MYO3B: variants seen among roughly 807,000 people sequenced by gnomAD.
The protein encoded by MYO3B is myosin-IIIb.
Under a neutral mutation model 174.6 loss-of-function variants are expected in MYO3B, and 156 were observed. The ratio of observed to expected loss-of-function variants is 0.89; its 90% CI spans 0.78 to 1.02. MYO3B has a LOEUF of 1.02. Among genes scored for constraint, MYO3B ranks in the 50% least tolerant of loss-of-function variants. The pLI, the probability that MYO3B is intolerant of heterozygous loss-of-function variation, is 0.00. For missense variants in MYO3B, 1,632 were observed against 1,639.4 expected, an observed-to-expected ratio of 1.00 and a Z score of 0.08; for synonymous variants, 563 against 569.1, an observed-to-expected ratio of 0.99 and a Z score of 0.15.
chr2:170,507,678 C>A (rs541739596), intron 28 of MYO3B, among the ~76,000 whole-genome samples: 4 of 152,174 alleles, frequency 2.6e-5, no homozygotes, highest in Admixed American at 2.6e-4. Context: ...CAGGCGTGAG[C>A]TACTGTGCCT....
chr2:170,586,922 A>AT (rs1203804208), intron 32 of MYO3B, among the ~76,000 whole-genome samples: 1 of 152,248 alleles, frequency 6.6e-6, no homozygotes, highest in Non-Finnish European at 1.5e-5. Context: ...TTATCCAAAT[A>AT]TTTAAGAGTT....
At chr2:170,600,765 C>T (rs1694459641) in intron 32 of MYO3B, among the ~76,000 whole-genome samples, 1 of 152,180 alleles carries the variant, frequency 6.6e-6, no homozygotes, top group Non-Finnish European at 1.5e-5. Context: ...TGCAAAATAT[C>T]ACTGCCATTA....
chr2:170,247,884 A>G (rs1425405131), intron 7 of MYO3B, among the ~76,000 whole-genome samples: 1 of 152,228 alleles, frequency 6.6e-6, no homozygotes. Context: ...TTGAGGGGAC[A>G]TAAACATTCA....
At chr2:170,333,370 A>T (rs893948061) in intron 7 of MYO3B, among the ~76,000 whole-genome samples, 20 of 152,296 alleles carry the variant, frequency 1.3e-4, no homozygotes, top group African/African-American at 4.8e-4. Context: ...ATAAAGAGGC[A>T]GCCTCCTCCT....
At position 170,271,028 on chromosome 2, in the gene MYO3B, G is replaced by A. The variant is rs951474908; in HGVS notation, c.749+34892G>A. 1.8e-4 allele frequency among the ~76,000 whole-genome samples: 27 copies of A among 152,174 alleles called. 1 individual carries two copies. The highest frequency in any genetic ancestry group is 1.5e-3 in the Admixed American group (23 of 15,268). ...TAAGTTAATTCTCAGACCTTGAAAGGCAGTTATATTTATTTGCCAGATATA... is the reference window on the plus strand; with the variant it reads ...TAAGTTAATTCTCAGACCTTGAAAGACAGTTATATTTATTTGCCAGATATA... On this transcript the variant is annotated intron_variant, in intron 7 of 34. Coordinates refer to ENST00000408978, the MANE Select transcript of MYO3B (RefSeq NM_138995.5).
intron 28 of MYO3B, among the ~76,000 whole-genome samples, chr2:170,514,219 G>T (rs868588954): frequency 4.6e-5 from 7 of 152,200 alleles, no homozygotes; most frequent in Admixed American, 6.5e-5. Context: ...ATCTTCAGCC[G>T]CTCGTGACCT....
At chr2:170,561,370 A>G (rs1053664233) in intron 32 of MYO3B, among the ~76,000 whole-genome samples, 1 of 152,232 alleles carries the variant, frequency 6.6e-6, no homozygotes, top group African/African-American at 2.4e-5. Context: ...CTGTACCCAG[A>G]GGATTCTAAA....
intron 32 of MYO3B, among the ~76,000 whole-genome samples, chr2:170,569,500 T>A (rs1559124150): frequency 6.6e-6 from 1 of 151,290 alleles, no homozygotes; most frequent in Non-Finnish European, 1.5e-5. Flanking sequence ...AGAGACAGAA[T>A]CTATAAAACT....
intron 29 of MYO3B, among the ~76,000 whole-genome samples, chr2:170,518,288 T>C (rs1036759557): frequency 2.0e-5 from 3 of 152,248 alleles, no homozygotes; most frequent in Non-Finnish European, 4.4e-5. Context: ...AATCATAATG[T>C]CAACCATTTA....
intron 9 of MYO3B, 82 bp from the exon 10 acceptor site, chr2:170,381,934 T>C (rs1254514667): frequency 1.8e-6 from 2 of 1,132,142 alleles, no homozygotes; most frequent in Non-Finnish European, 2.7e-6. Context: ...GTGATAAGAT[T>C]GTGAATGAGC....
chr2:170,626,528 G>A (rs1432316442), intron 32 of MYO3B, among the ~76,000 whole-genome samples: 2 of 152,206 alleles, frequency 1.3e-5, no homozygotes, highest in South Asian at 2.1e-4. Flanking sequence ...GTGTCAATTG[G>A]AGCATTTAGC....
intron 7 of MYO3B, among the ~76,000 whole-genome samples, chr2:170,236,644 G>A (rs978897865): frequency 2.0e-5 from 3 of 152,168 alleles, no homozygotes; most frequent in Admixed American, 6.5e-5. Flanking sequence ...GGTCTGTTTG[G>A]AGAGCATTTA....
At chr2:170,413,583 T>G (rs2094559250) in intron 22 of MYO3B, among the ~76,000 whole-genome samples, 1 of 152,150 alleles carries the variant, frequency 6.6e-6, no homozygotes. Context: ...CACGGTGTTG[T>G]GTGTATATCT....
intron 4 of MYO3B, 25 bp downstream of exon 4, chr2:170,214,508 A>G (rs747899997): frequency 3.8e-6 from 6 of 1,596,058 alleles, no homozygotes; most frequent in African/African-American, 2.7e-5. Flanking sequence ...CAAATGGGGT[A>G]TGACAGCAGA....
At chr2:170,189,497 G>A (rs1272244763) in intron 1 of MYO3B, among the ~76,000 whole-genome samples, 1 of 151,792 alleles carries the variant, frequency 6.6e-6, no homozygotes, top group African/African-American at 2.4e-5. Flanking sequence ...GATCTTATAA[G>A]TGTGAGTTCT....
At chr2:170,303,601 T>C (rs889565989) in intron 7 of MYO3B, among the ~76,000 whole-genome samples, 1 of 152,124 alleles carries the variant, frequency 6.6e-6, no homozygotes, top group South Asian at 2.1e-4. Context: ...ACCCATTAGT[T>C]ATGTCACTTT....
intron 2 of MYO3B, 35 bp from the exon 3 acceptor site, chr2:170,200,115 A>G: frequency 6.3e-7 from 1 of 1,599,470 alleles, no homozygotes; most frequent in Non-Finnish European, 8.5e-7. Context: ...TACACATTAG[A>G]TTTAATCCAG....
chr2:170,220,135 G>A (rs2092878488), intron 6 of MYO3B, among the ~76,000 whole-genome samples: 1 of 151,966 alleles, frequency 6.6e-6, no homozygotes, highest in South Asian at 2.1e-4. Context: ...GCGGGTGCCT[G>A]TAGTCCCAGC....
At chr2:170,396,424 C>G (rs2094442301) in intron 16 of MYO3B, among the ~76,000 whole-genome samples, 1 of 151,928 alleles carries the variant, frequency 6.6e-6, no homozygotes, top group African/African-American at 2.4e-5. Flanking sequence ...GCAGAGGCTC[C>G]TAGATCAGAA....
Sources: gnomAD v4.1 joint callset for allele counts (sites outside exome capture counted in the v4.1 genomes callset) on GRCh38, gnomAD v4.1.1 for gene constraint, MANE v1.5 for transcripts, NCBI Gene and HGNC (gene_info 2026-07-23, HGNC 2026-07-21) for gene names.